PROM1: variants seen among roughly 807,000 people sequenced by gnomAD.
PROM1 encodes the protein prominin-1.
A neutral mutation model predicts 116.9 loss-of-function variants in PROM1; 105 were observed. The observed-to-expected ratio is 0.90, with a 90% CI of 0.77 to 1.06. The LOEUF (loss-of-function observed/expected upper bound fraction) is 1.06, where lower values mean the gene tolerates loss of function less well. Ranked by LOEUF, PROM1 falls within the 50% of genes least tolerant of loss-of-function variation. The pLI is 0.00. For missense variants in PROM1, 1,122 were observed against 1,045.2 expected (o/e 1.07, Z -1.01); for synonymous variants, 393 against 387.0 (o/e 1.02, Z -0.18).
Position 16,033,305 on chromosome 4 carries a change from T to G in PROM1, c.508A>C (p.Ser170Arg). The stretch of plus-strand genomic sequence containing the variant: ...GTTGTTGTCCAATATTGTACTTGCC[T>G]TATTATTATACAAATCACCAACAGG... ...ISLLVICIII[S>R]IGIFYGFVAN... Residue 170 changes from serine (S) to arginine (R), a missense_variant and splice_region_variant, in exon 5 of 28, where the codon AGC becomes CGC. Ser to Arg is a moderately radical substitution (Grantham distance 110). Transcript: ENST00000447510. The G allele has an allele frequency of 6.2e-7, 1 of 1,610,130 alleles. No homozygotes were observed. Among genetic ancestry groups the G allele is most frequent in the Non-Finnish European group, 8.5e-7 (1 of 1,177,142 alleles).
chr4:16,003,531 G>C lies in PROM1; in HGVS notation c.1455-2912C>G, dbSNP rs548696969. On this transcript the variant is annotated intron_variant, in intron 13 of 27. Coordinates refer to ENST00000447510, the MANE Select transcript of PROM1 (RefSeq NM_006017.3). ...TTGTTGTCAATACCTAAAATGGGAA[G>C]TTTTATGATGGGCTTCAAATCACGA... is the stretch of plus-strand genomic sequence containing the variant. 5.3e-4 allele frequency among the ~76,000 whole-genome samples: 81 copies of C among 152,338 alleles called. 5 individuals are homozygous for C. The South Asian group carries it at 0.017, about 31-fold the overall frequency.
chr4:15,973,100 C>A (rs1315055061), intron 26 of PROM1, among the ~76,000 whole-genome samples: 2 of 152,194 alleles, frequency 1.3e-5, no homozygotes, highest in African/African-American at 4.8e-5. Context: ...ATGTAGCATT[C>A]CCCGGGATCC....
chr4:16,005,241 GC>G (rs1157282088), intron 13 of PROM1, among the ~76,000 whole-genome samples: 10 of 152,112 alleles, frequency 6.6e-5, no homozygotes, highest in Admixed American at 6.5e-4. Context: ...GGGATTACAG[GC>G]GTGAGCCATC....
At position 16,006,622 on chromosome 4, in the gene PROM1, A is replaced by G. The variant is rs772188988; in HGVS notation, c.1370T>C (p.Leu457Pro). 3 of 1,612,156 alleles carry G rather than the reference A, an allele frequency of 1.9e-6. No individual in the cohort carries two copies. The highest frequency in any genetic ancestry group is 2.5e-6 in the Non-Finnish European group (3 of 1,179,208). The change falls in exon 13 of 28, where the codon CTG (leucine) becomes CCG (proline). Residue 457 changes from leucine (L) to proline (P), a missense_variant. By Grantham distance (98) the Leu-to-Pro change is moderately conservative (BLOSUM62 -3). Transcript: ENST00000447510. ...CCTGTCATAGCCGCACACGCCACAC[A>G]GTAAGCCCAGGTAGTAAAAAATCAC... is the stretch of plus-strand genomic sequence containing the variant. The part of the protein sequence containing the change: ...LIVIFYYLGL[L>P]CGVCGYDRHA...
chr4:16,078,855 G>A (rs1222023932), intron 1 of PROM1, among the ~76,000 whole-genome samples: 1 of 152,112 alleles, frequency 6.6e-6, no homozygotes, highest in Non-Finnish European at 1.5e-5. Flanking sequence ...TCTAAGTCCT[G>A]TCCCACTCCA....
At chr4:15,992,005 G>A (rs1206965055) in intron 17 of PROM1, among the ~76,000 whole-genome samples, 2 of 151,648 alleles carry the variant, frequency 1.3e-5, no homozygotes, top group Admixed American at 6.6e-5. Context: ...GTTTGGGGAG[G>A]AGGAAATGGG....
At chr4:16,083,533 G>A (rs1217169295) in intron 1 of PROM1, 4 of 152,370 alleles carry the variant, frequency 2.6e-5, no homozygotes, top group Admixed American at 6.5e-5. Context: ...AGATGGCTAG[G>A]GTAAGGGGGG....
chr4:16,072,759 GACA>G (rs1433743385), intron 2 of PROM1, among the ~76,000 whole-genome samples: 1 of 152,168 alleles, frequency 6.6e-6, no homozygotes, highest in Non-Finnish European at 1.5e-5. Flanking sequence ...TGCTCCTAGG[GACA>G]ACATCACTGT....
At chr4:16,073,121 C>T (rs776595839) in intron 2 of PROM1, among the ~76,000 whole-genome samples, 8 of 152,152 alleles carry the variant, frequency 5.3e-5, no homozygotes, top group Non-Finnish European at 1.0e-4. Flanking sequence ...CACTGCAATT[C>T]CTCTAAATTG....
At chr4:15,998,839 C>T (rs980864941) in intron 14 of PROM1, among the ~76,000 whole-genome samples, 1 of 152,058 alleles carries the variant, frequency 6.6e-6, no homozygotes, top group African/African-American at 2.4e-5. Flanking sequence ...TCTCAGCCTC[C>T]CGAGTAGTTA....
intron 14 of PROM1, among the ~76,000 whole-genome samples, chr4:15,999,978 G>A (rs998654190): frequency 1.3e-5 from 2 of 152,226 alleles, no homozygotes; most frequent in Non-Finnish European, 2.9e-5. Context: ...GGGAGAAAGC[G>A]AAGCTTGAAT....
chr4:15,979,030 G>A (rs1717002542), intron 26 of PROM1, among the ~76,000 whole-genome samples: 3 of 151,304 alleles, frequency 2.0e-5, no homozygotes, highest in Admixed American at 2.0e-4. Flanking sequence ...AAGGAAGGAA[G>A]GAAAGAAAGA....
chr4:15,994,625 G>A (rs1050824427), intron 15 of PROM1, among the ~76,000 whole-genome samples: 1 of 152,116 alleles, frequency 6.6e-6, no homozygotes, highest in African/African-American at 2.4e-5. Flanking sequence ...TCAGCCCCCT[G>A]GGTGAAATGG....
chr4:16,008,205 G>C (rs149206186), intron 12 of PROM1, among the ~76,000 whole-genome samples: 4 of 152,284 alleles, frequency 2.6e-5, no homozygotes, highest in African/African-American at 9.6e-5. Flanking sequence ...GAGATATAAA[G>C]GGTTGCTGAG....
chr4:16,036,825 G>A (rs537965130), intron 3 of PROM1, among the ~76,000 whole-genome samples: 1 of 152,274 alleles, frequency 6.6e-6, no homozygotes, highest in Non-Finnish European at 1.5e-5. Context: ...ATCCTTTGGT[G>A]CCTTTGTTTA....
intron 5 of PROM1, among the ~76,000 whole-genome samples, chr4:16,029,932 T>C (rs1732258875): frequency 6.6e-6 from 1 of 152,220 alleles, no homozygotes; most frequent in Non-Finnish European, 1.5e-5. Context: ...TTCCCTCCAC[T>C]TCCTTTCTTT....
At chr4:16,056,687 G>A (rs894779768) in intron 2 of PROM1, among the ~76,000 whole-genome samples, 3 of 151,946 alleles carry the variant, frequency 2.0e-5, no homozygotes, top group African/African-American at 4.8e-5. Context: ...AAAAAGAAAC[G>A]AGCCATGCAG....
chr4:15,984,226 G>T, intron 23 of PROM1, 37 bp downstream of exon 23: 1 of 1,451,050 alleles, frequency 6.9e-7, no homozygotes, highest in Non-Finnish European at 9.6e-7. Context: ...AAAGATGATG[G>T]ATTCATTGTG....
intron 2 of PROM1, among the ~76,000 whole-genome samples, chr4:16,040,671 A>C (rs1399144310): frequency 6.6e-6 from 1 of 152,226 alleles, no homozygotes; most frequent in Non-Finnish European, 1.5e-5. Flanking sequence ...CTCATGTGCA[A>C]AATAAGACGT....
Sources: allele counts gnomAD v4.1 joint callset (sites outside exome capture counted in the v4.1 genomes callset), GRCh38; gene constraint gnomAD v4.1.1; transcripts MANE v1.5; gene names NCBI Gene and HGNC (gene_info 2026-07-23, HGNC 2026-07-21).